SPTBN4: variants seen among roughly 807,000 people sequenced by gnomAD.
SPTBN4 encodes spectrin beta, non-erythrocytic 4, also known as spectrin beta chain, non-erythrocytic 4.
A neutral mutation model predicts 277.8 loss-of-function variants in SPTBN4; 96 were observed. That is an observed-to-expected ratio of 0.35 (90% CI 0.29 to 0.41). The LOEUF (loss-of-function observed/expected upper bound fraction) is 0.41. Ranked by LOEUF, SPTBN4 falls within the 10% of genes least tolerant of loss-of-function variation. The pLI is 1.00. For missense variants in SPTBN4, 3,006 were observed against 3,595.7 expected (o/e 0.84, Z 4.19); for synonymous variants, 1,481 against 1,580.3 (o/e 0.94, Z 1.49).
intron 20 of SPTBN4, among the ~76,000 whole-genome samples, chr19:40,535,140 C>CA (rs987829866): frequency 6.6e-6 from 1 of 152,204 alleles, no homozygotes; most frequent in Non-Finnish European, 1.5e-5. Flanking sequence ...ATTGCAGCCT[C>CA]AAACTCTTGG....
At chr19:40,467,663 C>T (rs138515473) in intron 1 of SPTBN4, among the ~76,000 whole-genome samples, 2,256 of 151,868 alleles carry the variant, frequency 0.015, 46 homozygotes, top group South Asian at 0.047. Context: ...GCAGGACACC[C>T]CTTCCCGGCT....
At chr19:40,558,947 T>TATTATTATTATGATGATGATG (rs1026792401) in intron 26 of SPTBN4, among the ~76,000 whole-genome samples, 5 of 146,140 alleles carry the variant, frequency 3.4e-5, no homozygotes, top group African/African-American at 1.3e-4. Context: ...TTATTATTAT[T>TATTATTATTATGATGATGATG]ATGAGGCAGA....
chr19:40,551,993 C>CAA (rs751910923), intron 22 of SPTBN4, among the ~76,000 whole-genome samples: 13 of 96,160 alleles, frequency 1.4e-4, no homozygotes, highest in African/African-American at 2.7e-4. Context: ...GACCCTGTCT[C>CAA]AAAAAAAAAA....
chr19:40,525,916 C>G (rs1010968748), intron 17 of SPTBN4, among the ~76,000 whole-genome samples: 1 of 152,178 alleles, frequency 6.6e-6, no homozygotes, highest in Non-Finnish European at 1.5e-5. Flanking sequence ...CTAATCTCTG[C>G]ACCTTCCCAC....
chr19:40,479,675 C>CAT (rs34118043), intron 2 of SPTBN4, among the ~76,000 whole-genome samples: 14,932 of 126,462 alleles, frequency 0.12, 944 homozygotes, highest in African/African-American at 0.15. Flanking sequence ...AATGAGTAAG[C>CAT]ATATATATAT....
chr19:40,502,985 A>T lies in SPTBN4; in HGVS notation c.1362+52A>T. ...GGTAAAGGGACGGAGGGCGGGGCTGATGGTCCTGGGACCAGAGAGGGAGAC... is the reference window on the plus strand; with the variant it reads ...GGTAAAGGGACGGAGGGCGGGGCTGTTGGTCCTGGGACCAGAGAGGGAGAC... On this transcript the variant is annotated intron_variant, in intron 11 of 35. Coordinates refer to ENST00000598249, the MANE Select transcript of SPTBN4 (RefSeq NM_020971.3). This position sits in a 1 kb window ranked among gnomAD's most constrained non-coding sequence, Gnocchi z 4.9. The T allele has an allele frequency of 6.3e-7, 1 of 1,589,480 alleles. No individual in the cohort carries two copies.
chr19:40,514,095 G>A (rs1017014809), intron 14 of SPTBN4, among the ~76,000 whole-genome samples: 6 of 152,192 alleles, frequency 3.9e-5, no homozygotes, highest in Non-Finnish European at 7.3e-5. Context: ...TCTGTTGGCT[G>A]ACTTAGCAAT....
intron 12 of SPTBN4, among the ~76,000 whole-genome samples, chr19:40,505,221 C>CAAAA (rs60448674): frequency 4.0e-5 from 3 of 75,048 alleles, no homozygotes; most frequent in Non-Finnish European, 5.0e-5. Flanking sequence ...CCTGTCTGTA[C>CAAAA]AAAAAAAAAA....
In SPTBN4 at chr19:40,546,097, T is replaced by C. The variant is rs535498016; in HGVS notation, c.4360-3092T>C. 2.4e-3 allele frequency among the ~76,000 whole-genome samples: 346 copies of C among 146,102 alleles called. 2 individuals carry two copies. Among genetic ancestry groups the C allele is most frequent in the African/African-American group, 8.6e-3 (338 of 39,224 alleles). ...AAAATTAACCGGGCGTGGTGATGTG[T>C]GCCTGTGATCCCAGCTACTCGGGAG... On this transcript the variant is annotated intron_variant, in intron 20 of 35. Coordinates refer to ENST00000598249, the MANE Select transcript of SPTBN4 (RefSeq NM_020971.3).
intron 19 of SPTBN4, 48 bp downstream of exon 19, chr19:40,532,819 C>A: frequency 6.4e-7 from 1 of 1,560,996 alleles, no homozygotes; most frequent in Non-Finnish European, 8.7e-7. Flanking sequence ...CAGGAGGCCT[C>A]CAGGGAGCCC....
intron 20 of SPTBN4, among the ~76,000 whole-genome samples, chr19:40,537,718 C>T (rs577416941): frequency 6.6e-6 from 1 of 151,970 alleles, no homozygotes; most frequent in Non-Finnish European, 1.5e-5. Context: ...TCAATACCAC[C>T]TTTAGTCCCT....
chr19:40,547,376 T>C (rs980791885), intron 20 of SPTBN4, among the ~76,000 whole-genome samples: 15 of 152,188 alleles, frequency 9.9e-5, no homozygotes, highest in African/African-American at 3.6e-4. Flanking sequence ...TCTTTATGGC[T>C]GCATAGTATT....
chr19:40,479,429 C>T (rs2079984468), intron 2 of SPTBN4, among the ~76,000 whole-genome samples: 1 of 152,000 alleles, frequency 6.6e-6, no homozygotes, highest in Non-Finnish European at 1.5e-5. Flanking sequence ...TCCCAAATCT[C>T]AAATCAATTT....
At chr19:40,529,231 G>A (rs1001853297) in intron 18 of SPTBN4, 100 bp downstream of exon 18, 3 of 1,170,750 alleles carry the variant, frequency 2.6e-6, no homozygotes, top group Non-Finnish European at 3.7e-6. Flanking sequence ...GTCTAAGTGG[G>A]TCGCGGAGCG....
chr19:40,509,123 T>C (rs2080362815), intron 13 of SPTBN4, among the ~76,000 whole-genome samples: 1 of 150,116 alleles, frequency 6.7e-6, no homozygotes, highest in South Asian at 2.1e-4. Flanking sequence ...GATCTCTCTA[T>C]GTTACCCAGG....
chr19:40,573,012 A>T (rs2081169157), intron 35 of SPTBN4, among the ~76,000 whole-genome samples: 1 of 152,130 alleles, frequency 6.6e-6, no homozygotes, highest in South Asian at 2.1e-4. Flanking sequence ...GGGGTCTAAA[A>T]AAAGGAGTGA....
chr19:40,507,372 C>G (rs545148522), intron 13 of SPTBN4, among the ~76,000 whole-genome samples: 45 of 151,860 alleles, frequency 3.0e-4, no homozygotes, highest in Non-Finnish European at 5.6e-4. Flanking sequence ...TTACCTCAGG[C>G]ATGGCTGGAT....
At chr19:40,505,775 C>T (rs2080322880) in intron 12 of SPTBN4, among the ~76,000 whole-genome samples, 1 of 149,000 alleles carries the variant, frequency 6.7e-6, no homozygotes, top group South Asian at 2.1e-4. Context: ...GAACAGGAGA[C>T]ACAGACAGGA....
intron 27 of SPTBN4, among the ~76,000 whole-genome samples, chr19:40,563,334 G>A (rs1337368853): frequency 6.6e-6 from 1 of 152,044 alleles, no homozygotes; most frequent in Non-Finnish European, 1.5e-5. Context: ...ACCATAGCAT[G>A]AAGCTATGAT....
Sources: allele counts gnomAD v4.1 joint callset (sites outside exome capture counted in the v4.1 genomes callset), GRCh38; gene constraint gnomAD v4.1.1; non-coding constraint Gnocchi (gnomAD v3.1); transcripts MANE v1.5; gene names NCBI Gene and HGNC (gene_info 2026-07-23, HGNC 2026-07-21).